The following EXOC6B variants were observed in gnomAD, a reference collection of about 807,000 sequenced individuals.
The protein encoded by EXOC6B is exocyst complex component 6B.
EXOC6B carries 54 observed loss-of-function variants against 113.5 expected under a neutral mutation model. The observed-to-expected ratio is 0.48, with a 90% CI of 0.38 to 0.60. The LOEUF is 0.60. Ranked by LOEUF, EXOC6B falls within the 20% of genes least tolerant of loss-of-function variation. EXOC6B has a pLI of 0.00. For missense variants in EXOC6B, 797 were observed against 977.5 expected, an observed-to-expected ratio of 0.82 and a Z score of 2.46; for synonymous variants, 357 against 339.0, an observed-to-expected ratio of 1.05 and a Z score of -0.58.
At chr2:72,720,964 G>A (rs1298353888) in intron 5 of EXOC6B, among the ~76,000 whole-genome samples, 2 of 151,964 alleles carry the variant, frequency 1.3e-5, no homozygotes, top group East Asian at 1.9e-4. Flanking sequence ...AGGTAGAAAC[G>A]AAATAAGTTA....
At chr2:72,417,818 G>A (rs746636002) in intron 18 of EXOC6B, among the ~76,000 whole-genome samples, 9 of 151,806 alleles carry the variant, frequency 5.9e-5, no homozygotes, top group South Asian at 2.1e-4. Context: ...TGTTTATATC[G>A]CAATATTTAT....
intron 20 of EXOC6B, among the ~76,000 whole-genome samples, chr2:72,185,668 C>T (rs1192494284): frequency 1.3e-5 from 2 of 152,038 alleles, no homozygotes; most frequent in Non-Finnish European, 2.9e-5. Flanking sequence ...TTCTGTTGAC[C>T]CAAGGCCTCA....
intron 20 of EXOC6B, among the ~76,000 whole-genome samples, chr2:72,226,588 G>T (rs1208231884): frequency 6.6e-6 from 1 of 152,162 alleles, no homozygotes; most frequent in African/African-American, 2.4e-5. Context: ...CTCTTAATGT[G>T]TAAGTTGTTT....
chr2:72,549,655 A>T (rs1703101899), intron 8 of EXOC6B, among the ~76,000 whole-genome samples: 1 of 152,216 alleles, frequency 6.6e-6, no homozygotes, highest in Admixed American at 6.5e-5. Context: ...TCACTAGGCA[A>T]TACATATAAG....
At chr2:72,684,095 C>A (rs1676912617) in intron 6 of EXOC6B, among the ~76,000 whole-genome samples, 1 of 152,160 alleles carries the variant, frequency 6.6e-6, no homozygotes, top group Admixed American at 6.5e-5. Flanking sequence ...GCACACCCAG[C>A]TAATTTTTGT....
chr2:72,185,071 T>C (rs1300429313), intron 20 of EXOC6B, among the ~76,000 whole-genome samples: 1 of 152,232 alleles, frequency 6.6e-6, no homozygotes, highest in Non-Finnish European at 1.5e-5. Context: ...GACATCACAC[T>C]AACAAATATT....
intron 18 of EXOC6B, among the ~76,000 whole-genome samples, chr2:72,405,044 G>C (rs920661281): frequency 6.6e-6 from 1 of 152,128 alleles, no homozygotes; most frequent in African/African-American, 2.4e-5. Context: ...CATGGCACAA[G>C]AACTACGTGA....
intron 18 of EXOC6B, among the ~76,000 whole-genome samples, chr2:72,410,432 T>C (rs1694099200): frequency 6.6e-6 from 1 of 152,226 alleles, no homozygotes; most frequent in Admixed American, 6.5e-5. Flanking sequence ...GTATCTCAAT[T>C]TGTGTCTGTG....
intron 18 of EXOC6B, among the ~76,000 whole-genome samples, chr2:72,447,741 G>A (rs1334542472): frequency 6.6e-6 from 1 of 152,172 alleles, no homozygotes; most frequent in African/African-American, 2.4e-5. Context: ...CATGGGATTT[G>A]ATGCTAAGCT....
chr2:72,345,608 T>C (rs1295650594), intron 19 of EXOC6B, among the ~76,000 whole-genome samples: 3 of 152,024 alleles, frequency 2.0e-5, no homozygotes, highest in Non-Finnish European at 4.4e-5. Context: ...ATTCCAACTA[T>C]ATGACATTCT....
intron 20 of EXOC6B, among the ~76,000 whole-genome samples, chr2:72,233,200 A>G (rs528528835): frequency 6.6e-6 from 1 of 152,346 alleles, no homozygotes; most frequent in South Asian, 2.1e-4. Context: ...TAATTAAATA[A>G]AAGACACCAG....
chr2:72,305,019 A>T (rs1286362258), intron 20 of EXOC6B, among the ~76,000 whole-genome samples: 6 of 152,196 alleles, frequency 3.9e-5, no homozygotes, highest in South Asian at 2.1e-4. Context: ...AGTTCCTGAG[A>T]GGTACACTAA....
At chr2:72,479,242 C>T (rs906244803) in intron 17 of EXOC6B, among the ~76,000 whole-genome samples, 3 of 152,066 alleles carry the variant, frequency 2.0e-5, no homozygotes, top group African/African-American at 4.8e-5. Context: ...TGTAACTTAA[C>T]CTAGCAGCTG....
At chr2:72,292,737 C>A (rs978103854) in intron 20 of EXOC6B, among the ~76,000 whole-genome samples, 5 of 152,192 alleles carry the variant, frequency 3.3e-5, no homozygotes, top group African/African-American at 1.2e-4. Flanking sequence ...TGTTCTCCAT[C>A]ATTACAGTTT....
At chr2:72,760,411 C>T (rs573646313) in intron 1 of EXOC6B, 1 of 152,384 alleles carries the variant, frequency 6.6e-6, no homozygotes, top group East Asian at 1.9e-4. Context: ...TCTTAGTGTC[C>T]ATTCTATTCA....
chr2:72,615,830 T>C (rs1170419136), intron 6 of EXOC6B, among the ~76,000 whole-genome samples: 1 of 152,104 alleles, frequency 6.6e-6, no homozygotes, highest in Non-Finnish European at 1.5e-5. Context: ...GGCATGGTTA[T>C]TATAGAAGAC....
At chr2:72,183,043 GCT>G (rs879588173) in intron 21 of EXOC6B, 8 of 439,338 alleles carry the variant, frequency 1.8e-5, no homozygotes, top group Non-Finnish European at 2.6e-5. Flanking sequence ...CCTGCATCAT[GCT>G]CTTGCCTACC....
At chr2:72,443,483 A>G (rs945098588) in intron 18 of EXOC6B, among the ~76,000 whole-genome samples, 1 of 152,170 alleles carries the variant, frequency 6.6e-6, no homozygotes, top group African/African-American at 2.4e-5. Flanking sequence ...TGATGCTGGG[A>G]TAACTGGCTA....
chr2:72,248,891 TG>T (rs1000891845), intron 20 of EXOC6B, among the ~76,000 whole-genome samples: 10 of 152,180 alleles, frequency 6.6e-5, no homozygotes, highest in Admixed American at 4.6e-4. Context: ...GAACATTAAA[TG>T]TAGTGTTACT....
Sources: gnomAD v4.1 joint callset for allele counts (sites outside exome capture counted in the v4.1 genomes callset) on GRCh38, gnomAD v4.1.1 for gene constraint, MANE v1.5 for transcripts, NCBI Gene and HGNC (gene_info 2026-07-23, HGNC 2026-07-21) for gene names.